Variants in MYOM2 observed in about 807,000 individuals in gnomAD.
MYOM2 encodes myomesin 2, also known as myomesin-2.
MYOM2 carries 254 observed loss-of-function variants against 187.6 expected under a neutral mutation model. The observed-to-expected ratio is 1.35, with a 90% CI of 1.22 to 1.50. MYOM2 has a LOEUF of 1.50. Among genes scored for constraint, MYOM2 ranks in the 40% most tolerant of loss-of-function variants. MYOM2 has a pLI of 0.00. For missense variants in MYOM2, 2,796 were observed against 1,924.0 expected, an observed-to-expected ratio of 1.45 and a Z score of -8.48; for synonymous variants, 981 against 753.8, an observed-to-expected ratio of 1.30 and a Z score of -4.94.
At chr8:2,109,156 T>G in intron 24 of MYOM2, 1 of 538,502 alleles carries the variant, frequency 1.9e-6, no homozygotes, top group Non-Finnish European at 3.2e-6. Flanking sequence ...TCCAGGCATC[T>G]TTACTTATCG....
At chr8:2,088,956 C>G (rs1020158) in intron 14 of MYOM2, among the ~76,000 whole-genome samples, 114,579 of 152,164 alleles carry the variant, frequency 0.75, 44,806 homozygotes, top group South Asian at 0.91. Flanking sequence ...CTGGACTGCG[C>G]TCGCTTGGGG....
At chr8:2,059,300 C>T in intron 6 of MYOM2, 55 bp downstream of exon 6, 1 of 1,523,330 alleles carries the variant, frequency 6.6e-7, no homozygotes, top group South Asian at 1.1e-5. Context: ...GCATTGCAGA[C>T]CCCAAAGAAG....
At chr8:2,115,767 G>C (rs1797219489) in intron 25 of MYOM2, among the ~76,000 whole-genome samples, 193 bp from the exon 26 acceptor site, 1 of 152,186 alleles carries the variant, frequency 6.6e-6, no homozygotes, top group Non-Finnish European at 1.5e-5. Flanking sequence ...GCCAGGCTTT[G>C]TCACTGAGTG....
intron 32 of MYOM2, among the ~76,000 whole-genome samples, chr8:2,134,025 A>ACCCTCTTCC (rs1797968749): frequency 6.6e-6 from 1 of 151,908 alleles, no homozygotes; most frequent in Admixed American, 6.6e-5. Context: ...AGCCACCTCC[A>ACCCTCTTCC]CCGTCTTCCC....
intron 32 of MYOM2, among the ~76,000 whole-genome samples, chr8:2,136,204 G>A (rs1798064681): frequency 6.6e-6 from 1 of 152,224 alleles, no homozygotes; most frequent in South Asian, 2.1e-4. Flanking sequence ...GGTGGCTGCT[G>A]ATCCCCGGCT....
chr8:2,139,427 C>T (rs1798199368), intron 32 of MYOM2, among the ~76,000 whole-genome samples: 1 of 152,154 alleles, frequency 6.6e-6, no homozygotes, highest in African/African-American at 2.4e-5. Flanking sequence ...AGGTGTGAGC[C>T]ACCACACCCG....
chr8:2,096,204 C>T lies in MYOM2; in HGVS notation c.2126-43C>T, dbSNP rs766608245. The T allele has an allele frequency of 2.5e-6, 4 of 1,586,534 alleles. No homozygotes were observed. The South Asian group carries it at 4.6e-5, about 18-fold the overall frequency. On this transcript the variant is annotated intron_variant, in intron 17 of 36. Transcript: ENST00000262113. ...CTGGCTGCCCCGGGGACAAAGCCCC[C>T]AGCTGAGGCCCTCGGTAACTCCCTG...
chr8:2,135,701 A>G (rs891094343), intron 32 of MYOM2, among the ~76,000 whole-genome samples: 2 of 152,222 alleles, frequency 1.3e-5, no homozygotes, highest in African/African-American at 4.8e-5. Flanking sequence ...ATCAAGTAAT[A>G]CGAAGAAGAG....
intron 32 of MYOM2, among the ~76,000 whole-genome samples, chr8:2,133,823 TA>T (rs1458329234): frequency 6.6e-6 from 1 of 152,248 alleles, no homozygotes; most frequent in Admixed American, 6.5e-5. Context: ...TCCAGCCATT[TA>T]TTTTATTGTA....
chr8:2,080,317 A>G, intron 13 of MYOM2, among the ~76,000 whole-genome samples: 1 of 152,218 alleles, frequency 6.6e-6, no homozygotes, highest in East Asian at 1.9e-4. Context: ...TCTCTCTCCT[A>G]GAGCTGCAGA....
intron 32 of MYOM2, among the ~76,000 whole-genome samples, chr8:2,138,770 A>C (rs1013016152): frequency 6.6e-6 from 1 of 152,112 alleles, no homozygotes; most frequent in Non-Finnish European, 1.5e-5. Flanking sequence ...AAACAACCGC[A>C]CATGGGCAGT....
At chr8:2,061,917 T>G (rs1818862848) in intron 6 of MYOM2, among the ~76,000 whole-genome samples, 1 of 152,172 alleles carries the variant, frequency 6.6e-6, no homozygotes, top group Non-Finnish European at 1.5e-5. Context: ...GGTCCCACTC[T>G]CTGGCATCAG....
At chr8:2,077,940 G>C (rs1321612822) in intron 11 of MYOM2, among the ~76,000 whole-genome samples, 1 of 152,134 alleles carries the variant, frequency 6.6e-6, no homozygotes, top group African/African-American at 2.4e-5. Context: ...ATGACATGTG[G>C]ATCAGACAGC....
intron 32 of MYOM2, among the ~76,000 whole-genome samples, chr8:2,135,134 GT>G (rs1798023723): frequency 6.6e-6 from 1 of 152,190 alleles, no homozygotes; most frequent in South Asian, 2.1e-4. Context: ...TGTTGTTGTT[GT>G]TTTTTGTTTT....
At chr8:2,113,116 A>G (rs967831893) in intron 25 of MYOM2, among the ~76,000 whole-genome samples, 1 of 152,218 alleles carries the variant, frequency 6.6e-6, no homozygotes, top group Non-Finnish European at 1.5e-5. Flanking sequence ...CCGTATTGGT[A>G]ACGCTGGGCA....
chr8:2,139,676 A>G (rs929828601), intron 32 of MYOM2, among the ~76,000 whole-genome samples: 1 of 152,134 alleles, frequency 6.6e-6, no homozygotes, highest in African/African-American at 2.4e-5. Flanking sequence ...GCCCGAGAGA[A>G]ACAGGTCCAC....
In MYOM2 at chr8:2,069,509, T is replaced by C; in HGVS notation, c.793+12T>C. On this transcript the variant is annotated intron_variant, in intron 8 of 36. Coordinates refer to ENST00000262113, the MANE Select transcript of MYOM2 (RefSeq NM_003970.4). ...ACTCCCGATTGGATGTAAGTGGGTT[T>C]TTGTTTCTTTTCTGTGTGGTGAAAT... 6.2e-7 allele frequency: 1 copy of C among 1,614,182 alleles called. No homozygotes were observed. Among genetic ancestry groups the C allele is most frequent in the East Asian group, 2.2e-5 (1 of 44,888 alleles).
chr8:2,050,665 T>G (rs2129326878), intron 1 of MYOM2, 90 bp from the exon 2 acceptor site: 1 of 700,046 alleles, frequency 1.4e-6, no homozygotes, highest in Non-Finnish European at 2.4e-6. Context: ...TTAACTGGAG[T>G]TCATTTTCCC....
At chr8:2,063,890 T>A (rs1275779717) in intron 6 of MYOM2, among the ~76,000 whole-genome samples, 1 of 152,250 alleles carries the variant, frequency 6.6e-6, no homozygotes, top group Non-Finnish European at 1.5e-5. Context: ...TCTCTCCATC[T>A]ATTCTGGGAA....
Sources: allele counts gnomAD v4.1 joint callset (sites outside exome capture counted in the v4.1 genomes callset), GRCh38; gene constraint gnomAD v4.1.1; transcripts MANE v1.5; gene names NCBI Gene and HGNC (gene_info 2026-07-23, HGNC 2026-07-21).